MYH7B: variants seen among roughly 807,000 people sequenced by gnomAD.
MYH7B encodes myosin heavy chain 7B.
In MYH7B, 205 loss-of-function variants were observed where a neutral mutation model predicts 234.5. The observed-to-expected ratio is 0.87, with a 90% CI of 0.78 to 0.98. The LOEUF (loss-of-function observed/expected upper bound fraction) is 0.98, where lower values mean the gene tolerates loss of function less well. Among genes scored for constraint, MYH7B ranks in the 50% least tolerant of loss-of-function variants. The pLI is 0.00. For synonymous variants in MYH7B, 1,193 were observed against 1,105.0 expected (o/e 1.08, Z -1.58); for missense variants, 2,652 against 2,633.4 (o/e 1.01, Z -0.15).
chr20:34,977,820 G>A, intron 4 of MYH7B, 114 bp from the exon 5 acceptor site: 1 of 1,503,972 alleles, frequency 6.6e-7, no homozygotes, highest in Admixed American at 1.7e-5. Context: ...CATGTATGCT[G>A]GGCACTCACC....
chr20:34,969,644 A>G (rs1321226635), intron 2 of MYH7B, among the ~76,000 whole-genome samples: 10 of 148,740 alleles, frequency 6.7e-5, no homozygotes, highest in African/African-American at 2.5e-4. Flanking sequence ...TCCTGGGCTC[A>G]AGCAGTCCTC....
At chr20:34,974,147 A>G (rs2147161086) in intron 2 of MYH7B, among the ~76,000 whole-genome samples, 1 of 151,562 alleles carries the variant, frequency 6.6e-6, no homozygotes, top group East Asian at 1.9e-4. Flanking sequence ...GGCTGGTCTC[A>G]AACTCCTGAC....
At chr20:34,974,226 CTTTTT>C (rs1184689535) in intron 2 of MYH7B, among the ~76,000 whole-genome samples, 1 of 123,392 alleles carries the variant, frequency 8.1e-6, no homozygotes, top group African/African-American at 3.2e-5. Context: ...CATGCCCAGC[CTTTTT>C]TTTTTTTTTT....
At chr20:34,959,764 A>G (rs1269391328) in intron 2 of MYH7B, among the ~76,000 whole-genome samples, 1 of 152,178 alleles carries the variant, frequency 6.6e-6, no homozygotes, top group African/African-American at 2.4e-5. Flanking sequence ...GGTGTGAGCC[A>G]CCGCGCCTGG....
At position 34,997,014 on chromosome 20, in the gene MYH7B, C is replaced by T. The variant is rs866214797; in HGVS notation, c.3267-69C>T. On this transcript the variant is annotated intron_variant, in intron 30 of 44. Coordinates refer to ENST00000262873, the Ensembl canonical transcript of MYH7B. ...TCAGGGCCTGAAGGGGACTGGGGGG[C>T]GTTATGGGGTCCCAGGCGGGTGGGT... 3.9e-4 allele frequency: 529 copies of T among 1,340,766 alleles called. 5 individuals are homozygous for T. Among genetic ancestry groups the T allele is most frequent in the South Asian group, 3.6e-3 (274 of 76,694 alleles). The allele number at this position is 1,340,766 out of a possible 1,614,324, so 83.1% of individuals were successfully genotyped here. A position where few individuals can be genotyped will look rare whatever the true frequency, so the allele number is the denominator to read the frequency against.
chr20:34,982,959 G>C (rs2081961718), intron 10 of MYH7B, among the ~76,000 whole-genome samples: 1 of 152,228 alleles, frequency 6.6e-6, no homozygotes, highest in South Asian at 2.1e-4. Flanking sequence ...GGCATGCAGG[G>C]CACTGGGCAT....
intron 7 of MYH7B, 169 bp from the exon 8 acceptor site, chr20:34,980,409 C>T: frequency 1.6e-6 from 1 of 630,082 alleles, no homozygotes; most frequent in Non-Finnish European, 2.8e-6. Flanking sequence ...ATTAGCCGGT[C>T]GTGGTGGCAC....
exon 36 of MYH7B, chr20:34,999,306 T>C: frequency 1.3e-6 from 2 of 1,579,618 alleles, no homozygotes; most frequent in African/African-American, 1.3e-5. Flanking sequence ...ACAGAGGGAG[T>C]CCCGTGGCCT....
chr20:34,996,828 T>G, intron 30 of MYH7B, 70 bp downstream of exon 30: 1 of 1,556,488 alleles, frequency 6.4e-7, no homozygotes, highest in Non-Finnish European at 8.7e-7. Flanking sequence ...TTCTGGATTC[T>G]TGTGGTTCCT....
intron 2 of MYH7B, among the ~76,000 whole-genome samples, chr20:34,968,784 G>A (rs1364235155): frequency 6.6e-6 from 1 of 152,194 alleles, no homozygotes; most frequent in African/African-American, 2.4e-5. Flanking sequence ...TTACACTGCG[G>A]CAGCCTACCT....
intron 10 of MYH7B, 71 bp downstream of exon 10, chr20:34,982,626 T>A (rs900983502): frequency 7.5e-7 from 1 of 1,326,730 alleles, no homozygotes; most frequent in South Asian, 1.5e-5. Context: ...TCCTCTCTTT[T>A]TTTTTTTTCC....
chr20:34,974,172 C>T (rs1373425777), intron 2 of MYH7B, among the ~76,000 whole-genome samples: 2 of 151,960 alleles, frequency 1.3e-5, no homozygotes, highest in Non-Finnish European at 2.9e-5. Flanking sequence ...GGTAATCCAC[C>T]CGCCTTGGCT....
chr20:34,987,980 G>A (rs965006471), intron 18 of MYH7B, 66 bp downstream of exon 18: 19 of 1,557,288 alleles, frequency 1.2e-5, no homozygotes, highest in Non-Finnish European at 1.7e-5. Context: ...CTGTGGGGGG[G>A]CAGAAGCCCT....
chr20:34,966,158 G>C (rs2081739604), intron 2 of MYH7B, among the ~76,000 whole-genome samples: 1 of 152,218 alleles, frequency 6.6e-6, no homozygotes, highest in African/African-American at 2.4e-5. Context: ...CTGACTCCCA[G>C]ATGGGTTGGA....
At position 34,987,140 on chromosome 20, in the gene MYH7B, GC is replaced by G. The variant is rs773290801; in HGVS notation, c.1009-3del. The G allele has an allele frequency of 1.2e-6, 2 of 1,613,144 alleles. No homozygotes were observed. The highest frequency in any genetic ancestry group is 1.7e-5 in the Admixed American group (1 of 59,990). ...CCTCTCTGAACTCGCTTTCCCTGCT[GC>G]CCCCCAGCATGCCATGGACATCCTA... On this transcript the variant is annotated splice_polypyrimidine_tract_variant and splice_region_variant and intron_variant, in intron 15 of 44. Transcript: ENST00000262873.
chr20:34,970,040 C>T (rs1365129047), intron 2 of MYH7B, among the ~76,000 whole-genome samples: 2 of 152,210 alleles, frequency 1.3e-5, no homozygotes, highest in Admixed American at 1.3e-4. Flanking sequence ...TCCAAGACTT[C>T]GTGCCTGGTA....
Position 34,994,407 on chromosome 20 carries a change from T to C in MYH7B, c.2700+6T>C. On this transcript the variant is annotated splice_donor_region_variant and intron_variant, in intron 27 of 44. Transcript: ENST00000262873. ...TGGCCCTGCAGCTGCAGGCTGTGAGTCAGGGTTCCCCTTGTGACCGGGCGT... is the reference window on the plus strand; with the variant it reads ...TGGCCCTGCAGCTGCAGGCTGTGAGCCAGGGTTCCCCTTGTGACCGGGCGT... 1.3e-6 allele frequency: 2 copies of C among 1,568,242 alleles called. No homozygotes were observed. The highest frequency in any genetic ancestry group is 3.7e-5 in the Admixed American group (2 of 54,424).
Position 35,000,601 on chromosome 20 carries a change from C to T in MYH7B, c.5090C>T (p.Ala1697Val). The change falls in exon 39 of 45, where the codon GCT becomes GTT. Residue 1697 changes from alanine to valine, a missense_variant. This residue lies in a region of MYH7B where 2,279 missense variants were observed against 2,211.4 expected (regional missense o/e 1.03). Transcript: ENST00000262873. ...GCTGCGGAGCTGGAGGAGCTGCGGG[C>T]TGCCCTGGAGCAGGGCGAGCGCAGC... The T allele has an allele frequency of 6.4e-7, 1 of 1,566,944 alleles. No individual in the cohort carries two copies. The highest frequency in any genetic ancestry group is 1.3e-5 in the African/African-American group (1 of 74,244).
intron 15 of MYH7B, 47 bp from the exon 16 acceptor site, chr20:34,987,102 G>A (rs2082041532): frequency 6.2e-7 from 1 of 1,605,986 alleles, no homozygotes; most frequent in Non-Finnish European, 8.5e-7. Context: ...GCTGGACCCT[G>A]GAGGAGCCCA....
Sources: allele counts gnomAD v4.1 joint callset (sites outside exome capture counted in the v4.1 genomes callset), GRCh38; gene constraint gnomAD v4.1.1; regional missense constraint gnomAD v4.1.1; transcripts MANE v1.5; gene names NCBI Gene and HGNC (gene_info 2026-07-23, HGNC 2026-07-21).